The following RTN4RL2 variants were observed in gnomAD, a reference collection of about 807,000 sequenced individuals.
RTN4RL2 encodes the protein reticulon 4 receptor like 2.
RTN4RL2 carries 9 observed loss-of-function variants against 27.8 expected under a neutral mutation model. The ratio of observed to expected loss-of-function variants is 0.32; its 90% CI spans 0.20 to 0.57. The LOEUF is 0.57. Among genes scored for constraint, RTN4RL2 ranks in the 20% least tolerant of loss-of-function variants. The probability of loss-of-function intolerance (pLI) is 0.90; values close to 1 mark genes in which losing one functional copy is unlikely to be tolerated. For synonymous variants in RTN4RL2, 285 were observed against 297.9 expected (o/e 0.96, Z 0.45); for missense variants, 436 against 596.8 (o/e 0.73, Z 2.81).
chr11:57,476,064 G>C lies in RTN4RL2; in HGVS notation c.514-98G>C. 3 of 1,164,230 alleles carry C rather than the reference G, an allele frequency of 2.6e-6. No individual in the cohort carries two copies. The highest frequency in any genetic ancestry group is 3.0e-5 in the South Asian group (2 of 66,898). The allele number at this position is 1,164,230 out of a possible 1,614,324, so 72.1% of individuals were successfully genotyped here. On this transcript the variant is annotated intron_variant, in intron 2 of 2. Coordinates refer to ENST00000335099, the MANE Select transcript of RTN4RL2 (RefSeq NM_178570.3). The surrounding 1 kb of genome is among the most constrained non-coding windows in gnomAD (Gnocchi z 8.2). ...AGGTCAACCCTTTCTCTTCTGCCAC[G>C]GTGCACCCCCTTCCCTCCCCCGGCC... is the stretch of plus-strand genomic sequence containing the variant.
Position 57,476,545 on chromosome 11 carries a change from G to A in RTN4RL2, c.897G>A (p.Leu299=). 7.1e-7 allele frequency: 1 copy of A among 1,405,010 alleles called. No homozygotes were observed. The highest frequency in any genetic ancestry group is 9.2e-7 in the Non-Finnish European group (1 of 1,088,344). The allele number at this position is 1,405,010 out of a possible 1,614,324, so 87.0% of individuals were successfully genotyped here. ...ATPPERQGRD[L]RALREADFQA... is the part of the protein sequence containing the mutation. ...CCCCGGAGCGCCAGGGCCGAGACCT[G>A]CGCGCGCTCCGCGAGGCCGACTTCC... Residue 299 remains leucine, a synonymous_variant, in exon 3 of 3, where the codon CTG becomes CTA. Transcript: ENST00000335099. The surrounding 1 kb of genome is among the most constrained non-coding windows in gnomAD (Gnocchi z 8.2).
chr11:57,473,551 G>T (rs916199979), intron 2 of RTN4RL2, among the ~76,000 whole-genome samples: 1 of 133,172 alleles, frequency 7.5e-6, no homozygotes, highest in African/African-American at 2.8e-5. Flanking sequence ...TTTAGCAGAG[G>T]CTCTCAGCCC....
chr11:57,463,571 G>C (rs1423312783), intron 1 of RTN4RL2, among the ~76,000 whole-genome samples: 1 of 151,942 alleles, frequency 6.6e-6, no homozygotes, highest in Non-Finnish European at 1.5e-5. Flanking sequence ...TGAGGGGTCG[G>C]CTCTAGGTGG....
intron 1 of RTN4RL2, among the ~76,000 whole-genome samples, chr11:57,465,136 C>G (rs573579924): frequency 6.6e-6 from 1 of 152,120 alleles, no homozygotes; most frequent in South Asian, 2.1e-4. Flanking sequence ...TCTTCCACCC[C>G]GCACCTGTGT....
intron 1 of RTN4RL2, among the ~76,000 whole-genome samples, chr11:57,462,268 C>CCGTCA (rs1179305619): frequency 1.6e-4 from 25 of 152,202 alleles, no homozygotes; most frequent in Admixed American, 1.4e-3. Flanking sequence ...CTCTAAACCT[C>CCGTCA]CGTCACCCGC....
At position 57,476,965 on chromosome 11, in the gene RTN4RL2, C is replaced by G. The variant is rs1943602113; in HGVS notation, c.*54C>G. The G allele has an allele frequency of 6.7e-7, 1 of 1,486,278 alleles. No homozygotes were observed. The highest frequency in any genetic ancestry group is 2.7e-5 in the East Asian group (1 of 37,732). The allele number at this position is 1,486,278 out of a possible 1,614,324, so 92.1% of individuals were successfully genotyped here. A position where few individuals can be genotyped will look rare whatever the true frequency, so the allele number is the denominator to read the frequency against. On this transcript the variant is annotated 3_prime_UTR_variant, in exon 3 of 3. Coordinates refer to ENST00000335099, the MANE Select transcript of RTN4RL2 (RefSeq NM_178570.3). This position sits in a 1 kb window ranked among gnomAD's most constrained non-coding sequence, Gnocchi z 8.2. ...GTCCGATCCCCGCTTCCCGTCCACC[C>G]GGGGCTGCGGCTCCGGCCCCAGTCG...
intron 2 of RTN4RL2, among the ~76,000 whole-genome samples, chr11:57,472,631 G>A (rs907774250): frequency 7.9e-5 from 12 of 152,180 alleles, no homozygotes; most frequent in Admixed American, 2.0e-4. Context: ...TCTGAGCCTC[G>A]ATGGACCCAT....
intron 1 of RTN4RL2, among the ~76,000 whole-genome samples, chr11:57,461,580 G>A (rs1184944481): frequency 6.6e-6 from 1 of 151,836 alleles, no homozygotes; most frequent in Non-Finnish European, 1.5e-5. Context: ...AAAGCGTGGA[G>A]GGAAGTGGGA....
intron 1 of RTN4RL2, among the ~76,000 whole-genome samples, chr11:57,462,456 C>G (rs1361724136): frequency 6.6e-6 from 1 of 152,192 alleles, no homozygotes; most frequent in Non-Finnish European, 1.5e-5. Flanking sequence ...TGTGCCCCTC[C>G]TTCCAGAGCG....
chr11:57,474,336 G>A (rs1238105784), intron 2 of RTN4RL2, among the ~76,000 whole-genome samples: 1 of 152,202 alleles, frequency 6.6e-6, no homozygotes, highest in Non-Finnish European at 1.5e-5. Flanking sequence ...AGATGGGAGG[G>A]GGCGAGAACA....
intron 2 of RTN4RL2, among the ~76,000 whole-genome samples, chr11:57,471,486 A>G (rs1303338754): frequency 1.3e-5 from 2 of 152,188 alleles, no homozygotes; most frequent in Non-Finnish European, 2.9e-5. Flanking sequence ...CCTTTTATAG[A>G]GGAGATGGAA....
intron 2 of RTN4RL2, chr11:57,468,802 C>A: frequency 7.1e-7 from 1 of 1,410,702 alleles, no homozygotes; most frequent in Non-Finnish European, 9.7e-7. Context: ...CTCTGTTATG[C>A]AGCTGGAGAA....
intron 1 of RTN4RL2, among the ~76,000 whole-genome samples, chr11:57,463,844 G>A (rs1437649847): frequency 1.3e-5 from 2 of 151,990 alleles, no homozygotes; most frequent in Admixed American, 6.5e-5. Context: ...CAGCTCTCTA[G>A]TCCCCCAACC....
rs1212434116 is a variant in RTN4RL2 at position 57,467,947 on chromosome 11, C to A, written c.370C>A (p.Pro124Thr). 1.2e-6 allele frequency: 2 copies of A among 1,612,784 alleles called. No homozygotes were observed. Among genetic ancestry groups the A allele is most frequent in the South Asian group, 1.1e-5 (1 of 91,084 alleles). The stretch of plus-strand genomic sequence containing the variant: ...CAACCGGCACCTGCGCTCGCTGGAG[C>A]CCGACACCTTCCAGGGCCTGGAGCG... ...GDNRHLRSLE[P>T]DTFQGLERLQ... The change falls in exon 2 of 3, where the codon CCC becomes ACC. Residue 124 changes from proline (P) to threonine (T), a missense_variant. By Grantham distance (38) the Pro-to-Thr change is conservative (BLOSUM62 -1). Transcript: ENST00000335099. The surrounding 1 kb of genome is among the most constrained non-coding windows in gnomAD (Gnocchi z 5.5).
chr11:57,473,005 G>A (rs1227826907), intron 2 of RTN4RL2, among the ~76,000 whole-genome samples: 1 of 152,294 alleles, frequency 6.6e-6, no homozygotes, highest in East Asian at 1.9e-4. Context: ...GATAATAATA[G>A]TATCCACCTC....
intron 1 of RTN4RL2, among the ~76,000 whole-genome samples, chr11:57,465,532 A>G (rs1943516204): frequency 6.6e-6 from 1 of 152,104 alleles, no homozygotes; most frequent in Admixed American, 6.5e-5. Context: ...GTGTTCAGTC[A>G]CTGTGTGCCC....
At chr11:57,462,301 G>A (rs922965985) in intron 1 of RTN4RL2, among the ~76,000 whole-genome samples, 3 of 152,022 alleles carry the variant, frequency 2.0e-5, no homozygotes, top group Non-Finnish European at 4.4e-5. Context: ...CCAGGCCCCT[G>A]CGTCACTGGC....
chr11:57,474,271 G>A (rs1481926356), intron 2 of RTN4RL2, among the ~76,000 whole-genome samples: 1 of 152,150 alleles, frequency 6.6e-6, no homozygotes, highest in African/African-American at 2.4e-5. Context: ...TCTCAATGTG[G>A]CCAAGAGGAG....
intron 1 of RTN4RL2, among the ~76,000 whole-genome samples, chr11:57,465,084 G>T (rs536258872): frequency 1.3e-5 from 2 of 152,198 alleles, no homozygotes; most frequent in Non-Finnish European, 2.9e-5. Context: ...GGACACTCAC[G>T]GTGGGGCCCA....
Sources: gnomAD v4.1 joint callset for allele counts (sites outside exome capture counted in the v4.1 genomes callset) on GRCh38, gnomAD v4.1.1 for gene constraint, Gnocchi (gnomAD v3.1) non-coding constraint, MANE v1.5 for transcripts, NCBI Gene and HGNC (gene_info 2026-07-23, HGNC 2026-07-21) for gene names.